Variants in SIGLEC9 observed in about 807,000 individuals in gnomAD.
SIGLEC9 encodes the protein sialic acid binding Ig like lectin 9.
Under a neutral mutation model 38.3 loss-of-function variants are expected in SIGLEC9, and 26 were observed. That is an observed-to-expected ratio of 0.68 (90% CI 0.50 to 0.94). The LOEUF (loss-of-function observed/expected upper bound fraction) is 0.94. Ranked by LOEUF, SIGLEC9 falls within the 40% of genes least tolerant of loss-of-function variation. SIGLEC9 has a pLI of 0.00. For missense variants in SIGLEC9, 556 were observed against 585.7 expected (o/e 0.95, Z 0.52); for synonymous variants, 236 against 248.0 (o/e 0.95, Z 0.45).
At chr19:51,134,437 G>A (rs550317027), downstream of SIGLEC9, among the ~76,000 whole-genome samples, 21 of 152,238 alleles carry the variant, frequency 1.4e-4, no homozygotes, top group East Asian at 5.8e-4. Flanking sequence ...GATTACAGGC[G>A]TGAGCCACTG....
At chr19:51,121,414 C>T (rs1398765827), upstream of SIGLEC9, among the ~76,000 whole-genome samples, 1 of 151,976 alleles carries the variant, frequency 6.6e-6, no homozygotes, top group Non-Finnish European at 1.5e-5. Flanking sequence ...CTCTCTTCCC[C>T]CATTTACCCC....
At chr19:51,121,097 G>A (rs1047235327), upstream of SIGLEC9, among the ~76,000 whole-genome samples, 2 of 151,964 alleles carry the variant, frequency 1.3e-5, no homozygotes, top group African/African-American at 2.4e-5. Flanking sequence ...CTCCTGCCTC[G>A]GCCTCCCAAA....
At chr19:51,136,010 G>A (rs1408660323) in exon 7 of SIGLEC9, 5 of 703,318 alleles carry the variant, frequency 7.1e-6, no homozygotes, top group East Asian at 2.7e-5. Flanking sequence ...ACTGGGTTTC[G>A]AGTTTCTCCT....
chr19:51,124,871 G>A, upstream of SIGLEC9: 1 of 1,457,346 alleles, frequency 6.9e-7, no homozygotes. Flanking sequence ...CCTCGCCCCT[G>A]TCTTCCTGTA....
At chr19:51,128,542 G>T in intron 6 of SIGLEC9, 32 bp downstream of exon 6, 1 of 1,599,104 alleles carries the variant, frequency 6.3e-7, no homozygotes, top group Non-Finnish European at 8.6e-7. Context: ...CAGCCAGCAT[G>T]TAGCCTGGAC....
intron 4 of SIGLEC9, among the ~76,000 whole-genome samples, chr19:51,127,548 C>T (rs536244507): frequency 6.6e-6 from 1 of 152,056 alleles, no homozygotes; most frequent in East Asian, 1.9e-4. Context: ...TTTAGGGAGA[C>T]AAGCGCCTTT....
intron 5 of SIGLEC9, 123 bp downstream of exon 5, chr19:51,128,162 G>A: frequency 2.4e-6 from 2 of 846,684 alleles, no homozygotes; most frequent in South Asian, 1.6e-5. Context: ...CAAGAAGGAG[G>A]TCACAGGTGC....
At chr19:51,128,609 C>T (rs1249637915) in intron 6 of SIGLEC9, 99 bp downstream of exon 6, 1 of 1,002,174 alleles carries the variant, frequency 1.0e-6, no homozygotes, top group African/African-American at 1.6e-5. Context: ...AAGTTACCTC[C>T]TCTCTGTTCT....
chr19:51,127,413 G>T, intron 4 of SIGLEC9, 117 bp downstream of exon 4: 1 of 1,190,482 alleles, frequency 8.4e-7, no homozygotes, highest in Non-Finnish European at 1.1e-6. Context: ...GTGCTCAGCT[G>T]TGAGGTCTGG....
Position 51,128,056 on chromosome 19 carries a change from G to A in SIGLEC9, c.1106+17G>A, listed in dbSNP as rs71358813. ...CTTCGTTGTGTAAGCATGGACCCTA[G>A]AGAGGGAGGGAGGGAGAGCCCTGGG... On this transcript the variant is annotated intron_variant, in intron 5 of 6. Coordinates refer to ENST00000250360, the MANE Select transcript of SIGLEC9 (RefSeq NM_014441.3). 6.3e-7 allele frequency: 1 copy of A among 1,590,314 alleles called. No homozygotes were observed. The highest frequency in any genetic ancestry group is 8.6e-7 in the Non-Finnish European group (1 of 1,159,394).
At chr19:51,129,860 C>T (rs1268337925) in intron 6 of SIGLEC9, 31 bp from the exon 7 acceptor site, 18 of 1,512,806 alleles carry the variant, frequency 1.2e-5, no homozygotes, top group Non-Finnish European at 1.6e-5. Context: ...TCACTGTCTG[C>T]TCTGACTCAC....
chr19:51,129,369 C>T (rs1282887383), intron 6 of SIGLEC9, among the ~76,000 whole-genome samples: 2 of 151,718 alleles, frequency 1.3e-5, no homozygotes, highest in Non-Finnish European at 2.9e-5. Context: ...CTGTGTTAGC[C>T]AGGATGGTCT....
chr19:51,134,150 T>TG (rs1389560891), downstream of SIGLEC9, among the ~76,000 whole-genome samples: 2 of 92,576 alleles, frequency 2.2e-5, no homozygotes, highest in African/African-American at 3.7e-4. Context: ...TTCTTTTCTT[T>TG]TTTTTTTTTT....
Position 51,127,060 on chromosome 19 carries a change from T to G in SIGLEC9, c.779T>G (p.Leu260Arg), listed in dbSNP as rs1302191155. Reference protein sequence around the residue: ...VSTVLGNGSSLSLPEGQSLRL... With the variant: ...VSTVLGNGSSRSLPEGQSLRL... Reference sequence around the variant, plus strand: ...ACAGTCTTGGGAAATGGCTCATCTCTGTCACTCCCAGAGGGCCAGTCTCTG... The same window carrying G: ...ACAGTCTTGGGAAATGGCTCATCTCGGTCACTCCCAGAGGGCCAGTCTCTG... The change falls in exon 4 of 7, where the codon CTG (leucine) becomes CGG (arginine). Residue 260 changes from leucine to arginine, a missense_variant. By Grantham distance (102) the Leu-to-Arg change is moderately radical. Coordinates refer to ENST00000250360, the MANE Select transcript of SIGLEC9 (RefSeq NM_014441.3). 6 of 1,614,068 alleles carry G rather than the reference T, an allele frequency of 3.7e-6. No homozygotes were observed. The Admixed American group carries it at 1.0e-4, about 27-fold the overall frequency.
chr19:51,134,389 C>T (rs552501190), downstream of SIGLEC9, among the ~76,000 whole-genome samples: 3 of 152,090 alleles, frequency 2.0e-5, no homozygotes, highest in African/African-American at 7.2e-5. Context: ...GATCTCTTGA[C>T]CCTGTGATCC....
At chr19:51,130,642 C>G (rs142378879), downstream of SIGLEC9, among the ~76,000 whole-genome samples, 160 of 152,320 alleles carry the variant, frequency 1.1e-3, 2 homozygotes, top group South Asian at 7.2e-3. Flanking sequence ...CCTGTGACTG[C>G]TAGGCCGCCT....
upstream of SIGLEC9, among the ~76,000 whole-genome samples, chr19:51,123,681 C>A (rs918674355): frequency 6.6e-6 from 1 of 152,098 alleles, no homozygotes; most frequent in Non-Finnish European, 1.5e-5. Context: ...GGAGGTGTTG[C>A]GGCATCCCCA....
chr19:51,128,337 A>C (rs2091992222), intron 5 of SIGLEC9, 77 bp from the exon 6 acceptor site: 1 of 1,519,216 alleles, frequency 6.6e-7, no homozygotes, highest in Admixed American at 1.7e-5. Flanking sequence ...CTTAATAGGA[A>C]ACACATGGGG....
chr19:51,122,552 G>A (rs1224732391), upstream of SIGLEC9, among the ~76,000 whole-genome samples: 3 of 142,986 alleles, frequency 2.1e-5, no homozygotes, highest in East Asian at 6.2e-4. The surrounding 1 kb of genome is among the most constrained non-coding windows in gnomAD (Gnocchi z 4.1). Flanking sequence ...CTGTACTCTA[G>A]CCTGGGTGAC....
Sources: gnomAD v4.1 joint callset for allele counts (sites outside exome capture counted in the v4.1 genomes callset) on GRCh38, gnomAD v4.1.1 for gene constraint, Gnocchi (gnomAD v3.1) non-coding constraint, MANE v1.5 for transcripts, NCBI Gene and HGNC (gene_info 2026-07-23, HGNC 2026-07-21) for gene names.